Variants in RIN3 observed in about 807,000 individuals in gnomAD.
RIN3 encodes the protein RAB5 interacting protein 3.
Under a neutral mutation model 76.3 loss-of-function variants are expected in RIN3, and 54 were observed. That is an observed-to-expected ratio of 0.71 (90% CI 0.57 to 0.89). The LOEUF is 0.89. Among genes scored for constraint, RIN3 ranks in the 40% least tolerant of loss-of-function variants. The pLI is 0.00. For synonymous variants in RIN3, 576 were observed against 564.0 expected (o/e 1.02, Z -0.30); for missense variants, 1,256 against 1,322.1 (o/e 0.95, Z 0.78).
intron 4 of RIN3, among the ~76,000 whole-genome samples, chr14:92,624,995 C>T (rs146345963): frequency 1.1e-3 from 162 of 152,240 alleles, no homozygotes; most frequent in African/African-American, 3.6e-3. Context: ...CCGTAGTCTC[C>T]GGGCCGGTGC....
chr14:92,677,500 ATAGT>A (rs1888510338), intron 8 of RIN3, among the ~76,000 whole-genome samples: 1 of 152,052 alleles, frequency 6.6e-6, no homozygotes, highest in Admixed American at 6.6e-5. Flanking sequence ...CTCTGGGGTG[ATAGT>A]TTGATGAGAT....
chr14:92,518,991 C>T (rs2139990027), intron 1 of RIN3, among the ~76,000 whole-genome samples: 1 of 152,264 alleles, frequency 6.6e-6, no homozygotes, highest in East Asian at 1.9e-4. Flanking sequence ...TTCTAGGAAG[C>T]TGCTCCCTTC....
intron 3 of RIN3, among the ~76,000 whole-genome samples, chr14:92,610,693 G>C (rs139599796): frequency 1.3e-4 from 20 of 152,304 alleles, no homozygotes; most frequent in Admixed American, 9.8e-4. Flanking sequence ...GAGCTGCAGG[G>C]ATTCTCTGTG....
At chr14:92,662,174 C>T (rs529002774) in intron 7 of RIN3, among the ~76,000 whole-genome samples, 9 of 152,298 alleles carry the variant, frequency 5.9e-5, no homozygotes, top group East Asian at 3.9e-4. Flanking sequence ...AAAGGGTGTC[C>T]GAGAATGAGC....
chr14:92,527,988 C>T (rs1454578875), intron 1 of RIN3, among the ~76,000 whole-genome samples: 1 of 147,746 alleles, frequency 6.8e-6, no homozygotes, highest in Non-Finnish European at 1.5e-5. Context: ...AGTGGAGCCA[C>T]GCGGGCAGGC....
chr14:92,688,207 CGGG>C lies in RIN3; in HGVS notation c.2914_2916del (p.Gly972del), dbSNP rs2140183054. The C allele has an allele frequency of 7.3e-7, 1 of 1,362,012 alleles. No individual in the cohort carries two copies. Among genetic ancestry groups the C allele is most frequent in the African/African-American group, 1.5e-5 (1 of 64,872 alleles). 84.4% of individuals were successfully genotyped at this position (1,362,012 alleles called of 1,614,324 possible). On this transcript the variant is annotated inframe_deletion, in exon 10 of 10. Transcript: ENST00000216487. ...TGGACGGTGGTGGCGGCGGCGGCGG[CGGG>C]AGCCCGCCCTGCCTGGTGGTGCGGG... is the stretch of plus-strand genomic sequence containing the variant.
rs950801257 is a variant in RIN3, at chr14:92,688,814, G to A, written c.*562G>A. The A allele has an allele frequency of 6.4e-6, 1 of 155,044 alleles. No individual in the cohort carries two copies. Among genetic ancestry groups the A allele is most frequent in the Non-Finnish European group, 1.4e-5 (1 of 69,964 alleles). 9.6% of individuals were successfully genotyped at this position (155,044 alleles called of 1,614,324 possible). A position where few individuals can be genotyped will look rare whatever the true frequency, so the allele number is the denominator to read the frequency against. On this transcript the variant is annotated 3_prime_UTR_variant, in exon 10 of 10. Transcript: ENST00000216487. ...CCCAGACCCCGCAGCTCTGTGCCCG[G>A]CAAGAAGCAGCTAGACACACGCCAG...
At chr14:92,677,854 A>G (rs1003777350) in intron 8 of RIN3, among the ~76,000 whole-genome samples, 15 of 149,782 alleles carry the variant, frequency 1.0e-4, no homozygotes, top group African/African-American at 3.7e-4. Context: ...CCATCCACCC[A>G]CCCATCTACC....
chr14:92,551,548 C>G (rs1897426199), intron 1 of RIN3, among the ~76,000 whole-genome samples: 1 of 152,188 alleles, frequency 6.6e-6, no homozygotes, highest in Non-Finnish European at 1.5e-5. Context: ...AGTGCTCGTT[C>G]CAATGTTCGT....
intron 2 of RIN3, among the ~76,000 whole-genome samples, chr14:92,566,600 G>C (rs893074262): frequency 2.0e-5 from 3 of 152,178 alleles, no homozygotes; most frequent in Non-Finnish European, 2.9e-5. Flanking sequence ...TAGCAAGGAG[G>C]GGGAGAGGGG....
intron 3 of RIN3, among the ~76,000 whole-genome samples, chr14:92,595,271 G>T (rs747478891): frequency 9.9e-5 from 15 of 152,224 alleles, no homozygotes; most frequent in Admixed American, 2.0e-4. Flanking sequence ...ATGGGATGAA[G>T]GTGGACCAGC....
chr14:92,616,679 G>A (rs568347817), intron 4 of RIN3, among the ~76,000 whole-genome samples: 1 of 152,272 alleles, frequency 6.6e-6, no homozygotes, highest in South Asian at 2.1e-4. Context: ...TATAGTGGAG[G>A]CAGGATAGCT....
chr14:92,592,642 GTATTATTATTAT>G (rs143659950), intron 3 of RIN3, among the ~76,000 whole-genome samples: 36,943 of 134,442 alleles, frequency 0.27, 5,430 homozygotes, highest in East Asian at 0.59. Context: ...TTTAAATTTT[GTATTATTATTAT>G]TATTATTATT....
At chr14:92,582,636 G>A (rs1263682174) in intron 3 of RIN3, among the ~76,000 whole-genome samples, 3 of 151,928 alleles carry the variant, frequency 2.0e-5, no homozygotes, top group East Asian at 3.9e-4. Context: ...TGTATTTAGT[G>A]GAAACCAGGT....
chr14:92,600,263 T>G (rs1206097043), intron 3 of RIN3, among the ~76,000 whole-genome samples: 2 of 151,988 alleles, frequency 1.3e-5, no homozygotes, highest in Non-Finnish European at 2.9e-5. Context: ...AGCCTCACAG[T>G]TAGAAGGGGA....
At chr14:92,629,147 GA>G (rs1886468631) in intron 4 of RIN3, among the ~76,000 whole-genome samples, 1 of 102,806 alleles carries the variant, frequency 9.7e-6, no homozygotes, top group East Asian at 2.3e-4. Context: ...GAGAGAGAGA[GA>G]GAGAGATTGA....
intron 4 of RIN3, among the ~76,000 whole-genome samples, chr14:92,624,950 G>A (rs1207276435): frequency 3.3e-5 from 5 of 152,110 alleles, no homozygotes; most frequent in African/African-American, 1.2e-4. Flanking sequence ...TCCCAGGACG[G>A]TTCAAGTTTC....
chr14:92,642,434 G>T (rs958368191), intron 5 of RIN3, among the ~76,000 whole-genome samples: 1 of 152,078 alleles, frequency 6.6e-6, no homozygotes, highest in African/African-American at 2.4e-5. Context: ...AGTGTTTCAC[G>T]CAGCTGCTCA....
chr14:92,521,790 A>G (rs1896603257), intron 1 of RIN3, among the ~76,000 whole-genome samples: 1 of 152,200 alleles, frequency 6.6e-6, no homozygotes, highest in African/African-American at 2.4e-5. Flanking sequence ...AAATAAGAGA[A>G]ATATGTGCGT....
Sources: gnomAD v4.1 joint callset for allele counts (sites outside exome capture counted in the v4.1 genomes callset) on GRCh38, gnomAD v4.1.1 for gene constraint, MANE v1.5 for transcripts, NCBI Gene and HGNC (gene_info 2026-07-23, HGNC 2026-07-21) for gene names.